Variants in GRM5 observed in about 807,000 individuals in gnomAD.
The protein encoded by GRM5 is glutamate metabotropic receptor 5, also known as metabotropic glutamate receptor 5.
GRM5 carries 19 observed loss-of-function variants against 83.1 expected under a neutral mutation model. The observed-to-expected ratio is 0.23, with a 90% confidence interval of 0.16 to 0.34. The LOEUF is 0.34. Among genes scored for constraint, GRM5 ranks in the 10% least tolerant of loss-of-function variants. The pLI, the probability that GRM5 is intolerant of heterozygous loss-of-function variation, is 1.00. For synonymous variants in GRM5, 675 were observed against 633.6 expected (o/e 1.07, Z -0.98); for missense variants, 1,160 against 1,588.3 (o/e 0.73, Z 4.58).
chr11:88,582,567 T>G (rs1943233437), intron 7 of GRM5, among the ~76,000 whole-genome samples: 1 of 152,196 alleles, frequency 6.6e-6, no homozygotes, highest in African/African-American at 2.4e-5. Flanking sequence ...CTGAAAGCTA[T>G]TCCAGTTTCA....
chr11:88,638,423 TG>T (rs1457463809), intron 4 of GRM5, among the ~76,000 whole-genome samples: 2 of 150,290 alleles, frequency 1.3e-5, no homozygotes, highest in Non-Finnish European at 3.0e-5. Context: ...TTGTTTTGTT[TG>T]TTTGTTTGTT....
intron 8 of GRM5, among the ~76,000 whole-genome samples, chr11:88,561,649 G>T (rs1185662423): frequency 1.3e-5 from 2 of 152,136 alleles, no homozygotes; most frequent in Non-Finnish European, 2.9e-5. Flanking sequence ...GCTTGACAAT[G>T]ATTTGATGCT....
chr11:88,963,650 C>T (rs1382748576), intron 2 of GRM5, among the ~76,000 whole-genome samples: 2 of 152,268 alleles, frequency 1.3e-5, no homozygotes, highest in Non-Finnish European at 2.9e-5. Flanking sequence ...CTAGCTTTGG[C>T]TTTTACTTTT....
intron 2 of GRM5, among the ~76,000 whole-genome samples, chr11:88,991,052 A>C (rs1939947508): frequency 6.6e-6 from 1 of 152,214 alleles, no homozygotes. Context: ...GTATTCAATT[A>C]GGAAAAGAGG....
intron 3 of GRM5, among the ~76,000 whole-genome samples, chr11:88,783,839 A>T (rs1250306275): frequency 1.3e-5 from 2 of 152,032 alleles, no homozygotes; most frequent in Non-Finnish European, 2.9e-5. Flanking sequence ...GGGTTTTAGG[A>T]GGATTATATA....
intron 3 of GRM5, among the ~76,000 whole-genome samples, chr11:88,715,659 G>A (rs995009455): frequency 2.0e-5 from 3 of 151,932 alleles, no homozygotes; most frequent in Non-Finnish European, 2.9e-5. Flanking sequence ...TAATGCTGAC[G>A]GTGTACTGTG....
At chr11:88,549,949 G>C (rs1942468371) in intron 8 of GRM5, among the ~76,000 whole-genome samples, 1 of 152,116 alleles carries the variant, frequency 6.6e-6, no homozygotes, top group Middle Eastern at 3.2e-3. Context: ...CAGACAATAG[G>C]TTATGAAGAC....
chr11:88,728,011 A>G (rs1941721435), intron 3 of GRM5, among the ~76,000 whole-genome samples: 1 of 152,198 alleles, frequency 6.6e-6, no homozygotes, highest in Admixed American at 6.5e-5. Flanking sequence ...GCAGAAGACA[A>G]GAAATAACTT....
At chr11:89,017,684 T>C (rs1323182024) in intron 2 of GRM5, among the ~76,000 whole-genome samples, 1 of 152,236 alleles carries the variant, frequency 6.6e-6, no homozygotes. Context: ...ATTCCAAGCT[T>C]GAACCCTTTA....
At chr11:88,559,937 G>T (rs1056457548) in intron 8 of GRM5, among the ~76,000 whole-genome samples, 1 of 152,124 alleles carries the variant, frequency 6.6e-6, no homozygotes, top group Non-Finnish European at 1.5e-5. Context: ...GTCTCAGAGG[G>T]CCAGGAGAGG....
chr11:88,925,265 G>T (rs909468190), intron 2 of GRM5, among the ~76,000 whole-genome samples: 6 of 152,030 alleles, frequency 3.9e-5, no homozygotes, highest in Non-Finnish European at 7.4e-5. Context: ...CCCAAGAAAA[G>T]AGCTATTACT....
intron 3 of GRM5, among the ~76,000 whole-genome samples, chr11:88,748,821 A>G (rs1170223507): frequency 1.3e-5 from 2 of 152,130 alleles, no homozygotes; most frequent in African/African-American, 4.8e-5. Context: ...TGGGTTCTGG[A>G]GTGGACCCCC....
intron 1 of GRM5, chr11:89,063,511 A>T (rs1230731435): frequency 6.6e-6 from 1 of 152,302 alleles, no homozygotes; most frequent in Non-Finnish European, 1.5e-5. Context: ...GAGCAGTGAG[A>T]CTCGGTCTAG....
At chr11:88,535,822 CAA>C (rs1942119334) in intron 8 of GRM5, among the ~76,000 whole-genome samples, 1 of 152,134 alleles carries the variant, frequency 6.6e-6, no homozygotes, top group African/African-American at 2.4e-5. Context: ...TTACTACTAA[CAA>C]ATACTTTAGT....
chr11:88,949,075 TG>T (rs1376378047), intron 2 of GRM5, among the ~76,000 whole-genome samples: 1 of 152,202 alleles, frequency 6.6e-6, no homozygotes, highest in Non-Finnish European at 1.5e-5. Context: ...TGCAGATACT[TG>T]ATTTTCTGAT....
At chr11:88,747,620 A>G (rs1309997723) in intron 3 of GRM5, among the ~76,000 whole-genome samples, 1 of 152,162 alleles carries the variant, frequency 6.6e-6, no homozygotes, top group Non-Finnish European at 1.5e-5. Flanking sequence ...GGTAGATAAG[A>G]AAAATTCACT....
intron 2 of GRM5, among the ~76,000 whole-genome samples, chr11:88,875,629 T>C (rs1187059058): frequency 6.6e-6 from 1 of 152,084 alleles, no homozygotes; most frequent in African/African-American, 2.4e-5. Context: ...GTGGCAGCTA[T>C]AGCATTATGA....
intron 7 of GRM5, among the ~76,000 whole-genome samples, chr11:88,586,127 CAT>C (rs1555073682): frequency 3.3e-5 from 5 of 151,640 alleles, no homozygotes; most frequent in African/African-American, 4.9e-5. Flanking sequence ...CACACACACA[CAT>C]ATTCACATGT....
intron 2 of GRM5, among the ~76,000 whole-genome samples, chr11:88,913,363 T>C (rs112121362): frequency 2.6e-5 from 4 of 152,136 alleles, no homozygotes; most frequent in East Asian, 1.9e-4. Flanking sequence ...ATGCAGAGGG[T>C]AGCAGTTGAG....
Sources: allele counts gnomAD v4.1 joint callset (sites outside exome capture counted in the v4.1 genomes callset), GRCh38; gene constraint gnomAD v4.1.1; transcripts MANE v1.5; gene names NCBI Gene and HGNC (gene_info 2026-07-23, HGNC 2026-07-21).